Variants in NBL1 observed in about 807,000 individuals in gnomAD.
The protein encoded by NBL1 is neuroblastoma suppressor of tumorigenicity 1.
A neutral mutation model predicts 16.0 loss-of-function variants in NBL1; 9 were observed. The ratio of observed to expected loss-of-function variants is 0.56; its 90% CI spans 0.34 to 0.98. The LOEUF is 0.98. NBL1 is among the 50% of genes least tolerant of loss of function. The pLI is 0.02. For synonymous variants in NBL1, 86 were observed against 100.7 expected (o/e 0.85, Z 0.87); for missense variants, 196 against 243.1 (o/e 0.81, Z 1.29).
chr1:19,644,000 G>T, upstream of NBL1: 1 of 985,308 alleles, frequency 1.0e-6, no homozygotes, highest in South Asian at 4.7e-5. The surrounding 1 kb of genome is among the most constrained non-coding windows in gnomAD (Gnocchi z 4.7). Flanking sequence ...AACCCGGGGA[G>T]GGCGCTTAAG....
chr1:19,644,249 G>C (rs1285628302), upstream of NBL1: 2 of 978,406 alleles, frequency 2.0e-6, no homozygotes, highest in Non-Finnish European at 2.4e-6. The surrounding 1 kb of genome is among the most constrained non-coding windows in gnomAD (Gnocchi z 4.6). Context: ...CTCGCGCCCT[G>C]TTTGGAGGGA....
chr1:19,646,826 A>G (rs568752535), intron 1 of NBL1, among the ~76,000 whole-genome samples: 11 of 152,238 alleles, frequency 7.2e-5, no homozygotes, highest in African/African-American at 2.6e-4. Context: ...GCCCTTGACA[A>G]TTTCTAAAAT....
At chr1:19,648,406 C>T (rs564119898) in intron 1 of NBL1, among the ~76,000 whole-genome samples, 108 of 152,274 alleles carry the variant, frequency 7.1e-4, no homozygotes, top group Admixed American at 1.8e-3. Context: ...GTGCCCAGGC[C>T]GTGCCTCATA....
In NBL1 at chr1:19,655,420, G is replaced by A; in HGVS notation, c.267G>A (p.Gln89=). 6.2e-7 allele frequency: 1 copy of A among 1,614,134 alleles called. No individual in the cohort carries two copies. Among genetic ancestry groups the A allele is most frequent in the South Asian group, 1.1e-5 (1 of 91,080 alleles). ...ACTGTGACTCCTGCATGCCAGCCCA[G>A]TCCATGTGGGAGATTGTGAGTACTG... ...LVHCDSCMPA[Q]SMWEIVTLEC... is the part of the protein sequence containing the mutation. Residue 89 remains glutamine (Q), a synonymous_variant, in exon 3 of 4, where the codon CAG becomes CAA. Coordinates refer to ENST00000375136, the MANE Select transcript of NBL1 (RefSeq NM_005380.8).
intron 1 of NBL1, among the ~76,000 whole-genome samples, chr1:19,646,505 G>A (rs946114671): frequency 6.6e-6 from 1 of 152,226 alleles, no homozygotes; most frequent in Admixed American, 6.5e-5. Context: ...TGAGCAGGGA[G>A]CCCCAAGCCT....
Position 19,657,262 on chromosome 1 carries a change from C to T in NBL1, c.*133C>T. 3.6e-6 allele frequency: 2 copies of T among 559,358 alleles called. No individual in the cohort carries two copies. The highest frequency in any genetic ancestry group is 2.8e-5 in the East Asian group (1 of 35,760). 34.6% of individuals were successfully genotyped at this position (559,358 alleles called of 1,614,324 possible). ...TTGGCTTCAGACTCGGACTTGAATGCTGCCCGGTTGCCATGGAGATCTGAA... is the reference window on the plus strand; with the variant it reads ...TTGGCTTCAGACTCGGACTTGAATGTTGCCCGGTTGCCATGGAGATCTGAA... On this transcript the variant is annotated 3_prime_UTR_variant, in exon 4 of 4. Coordinates refer to ENST00000375136, the MANE Select transcript of NBL1 (RefSeq NM_005380.8).
intron 1 of NBL1, chr1:19,647,483 C>T (rs1266546683): frequency 9.7e-6 from 3 of 310,548 alleles, no homozygotes; most frequent in Non-Finnish European, 1.4e-5. Flanking sequence ...AAGATTTGAA[C>T]CCCAGTCTGT....
intron 1 of NBL1, among the ~76,000 whole-genome samples, chr1:19,652,049 A>G (rs902133202): frequency 6.6e-6 from 1 of 151,934 alleles, no homozygotes; most frequent in Non-Finnish European, 1.5e-5. Flanking sequence ...GGCCCAGGCT[A>G]CTTGCATTAC....
In NBL1 at chr1:19,657,178, T is replaced by C. The variant is rs2095061398; in HGVS notation, c.*49T>C. On this transcript the variant is annotated 3_prime_UTR_variant, in exon 4 of 4. Coordinates refer to ENST00000375136, the MANE Select transcript of NBL1 (RefSeq NM_005380.8). ...TCTCATCCCCCTGTGGAATGTTGGG[T>C]CTCACTCTCTGGGGAAGTCAGGGGA... 2.3e-6 allele frequency: 2 copies of C among 855,444 alleles called. No homozygotes were observed. The highest frequency in any genetic ancestry group is 5.3e-5 in the East Asian group (2 of 37,404). The allele number at this position is 855,444 out of a possible 1,614,324, so 53.0% of individuals were successfully genotyped here. A position where few individuals can be genotyped will look rare whatever the true frequency, so the allele number is the denominator to read the frequency against.
intron 1 of NBL1, chr1:19,645,487 G>A (rs1210057936): frequency 2.0e-6 from 2 of 995,154 alleles, no homozygotes; most frequent in Non-Finnish European, 2.4e-6. Flanking sequence ...TCCCCAAGCT[G>A]GACGCCACCA....
chr1:19,643,359 G>A, upstream of NBL1: 1 of 1,613,940 alleles, frequency 6.2e-7, no homozygotes, highest in Non-Finnish European at 8.5e-7. The surrounding 1 kb of genome is among the most constrained non-coding windows in gnomAD (Gnocchi z 4.7). Context: ...TGTCTATCTG[G>A]AAGTTTCCAG....
chr1:19,645,869 C>G, intron 1 of NBL1: 1 of 1,529,164 alleles, frequency 6.5e-7, no homozygotes, highest in Non-Finnish European at 8.8e-7. Flanking sequence ...CTGCTTCCCC[C>G]CACCCACAAC....
chr1:19,651,310 G>A (rs564829384), intron 1 of NBL1, among the ~76,000 whole-genome samples: 1 of 152,314 alleles, frequency 6.6e-6, no homozygotes, highest in South Asian at 2.1e-4. Context: ...GAGCCTGCTA[G>A]GGCCTGGTGG....
At position 19,656,937 on chromosome 1, in the gene NBL1, T is replaced by C; in HGVS notation, c.354T>C (p.Cys118=). 1 of 1,613,094 alleles carries C rather than the reference T, an allele frequency of 6.2e-7. No individual in the cohort carries two copies. The highest frequency in any genetic ancestry group is 8.5e-7 in the Non-Finnish European group (1 of 1,179,712). The change falls in exon 4 of 4, where the codon TGT becomes TGC. Residue 118 remains cysteine, a synonymous_variant. Transcript: ENST00000375136. ...AGCTGGTGGAGAAGATCCTGCACTGTAGCTGCCAGGCCTGCGGCAAGGAGC... is the reference window on the plus strand; with the variant it reads ...AGCTGGTGGAGAAGATCCTGCACTGCAGCTGCCAGGCCTGCGGCAAGGAGC... ...VDKLVEKILH[C]SCQACGKEPS... is the part of the protein sequence containing the mutation.
Position 19,644,371 on chromosome 1 carries a change from C to T in NBL1, c.-95C>T, listed in dbSNP as rs956878836. 51 of 978,478 alleles carry T rather than the reference C, an allele frequency of 5.2e-5. No homozygotes were observed. The highest frequency in any genetic ancestry group is 5.9e-5 in the Non-Finnish European group (49 of 827,006). 60.6% of individuals were successfully genotyped at this position (978,478 alleles called of 1,614,324 possible). A position where few individuals can be genotyped will look rare whatever the true frequency, so the allele number is the denominator to read the frequency against. On this transcript the variant is annotated 5_prime_UTR_variant, in exon 1 of 4. Transcript: ENST00000375136. This position sits in a 1 kb window ranked among gnomAD's most constrained non-coding sequence, Gnocchi z 4.6. ...CGGGGCCGCCCCCCGCCCTGCCGGCCGCCTCGCCGAGCCTCCTGGGGCGCC... is the reference window on the plus strand; with the variant it reads ...CGGGGCCGCCCCCCGCCCTGCCGGCTGCCTCGCCGAGCCTCCTGGGGCGCC...
At chr1:19,654,219 TG>T (rs1483782217) in intron 1 of NBL1, among the ~76,000 whole-genome samples, 4 of 152,118 alleles carry the variant, frequency 2.6e-5, no homozygotes, top group Non-Finnish European at 5.9e-5. Flanking sequence ...GAGACCAGCC[TG>T]GGCAACACGG....
At chr1:19,643,402 C>G, upstream of NBL1, 1 of 1,613,568 alleles carries the variant, frequency 6.2e-7, no homozygotes, top group African/African-American at 1.3e-5. The surrounding 1 kb of genome is among the most constrained non-coding windows in gnomAD (Gnocchi z 4.7). Flanking sequence ...ACACAGGTAA[C>G]TATGCTGTAA....
intron 1 of NBL1, chr1:19,645,464 C>T (rs573233681): frequency 4.0e-6 from 4 of 991,934 alleles, no homozygotes; most frequent in Admixed American, 1.1e-4. Flanking sequence ...TCCAGGCTTT[C>T]GGAGGCCCTC....
rs2094967033 is a variant in NBL1 at position 19,644,669 on chromosome 1, G to T, written c.-20+223G>T. 6.6e-6 allele frequency among the ~76,000 whole-genome samples: 1 copy of T among 151,636 alleles called. No homozygotes were observed. The highest frequency in any genetic ancestry group is 6.6e-5 in the Admixed American group (1 of 15,248). On this transcript the variant is annotated intron_variant, in intron 1 of 3. Transcript: ENST00000375136. The surrounding 1 kb of genome is among the most constrained non-coding windows in gnomAD (Gnocchi z 4.6). Reference sequence around the variant, plus strand: ...GGGCGCGGCACGGGGTGGCCGGGGGGCACCGCCGCGTCCGGAGCCCGTCCC... The same window carrying T: ...GGGCGCGGCACGGGGTGGCCGGGGGTCACCGCCGCGTCCGGAGCCCGTCCC...
Sources: gnomAD v4.1 joint callset for allele counts (sites outside exome capture counted in the v4.1 genomes callset) on GRCh38, gnomAD v4.1.1 for gene constraint, Gnocchi (gnomAD v3.1) non-coding constraint, MANE v1.5 for transcripts, NCBI Gene and HGNC (gene_info 2026-07-23, HGNC 2026-07-21) for gene names.